The following GBE1 variants were observed in gnomAD, a reference collection of about 807,000 sequenced individuals.
GBE1 encodes 1,4-alpha-glucan branching enzyme 1.
A neutral mutation model predicts 88.8 loss-of-function variants in GBE1; 70 were observed. The observed-to-expected ratio is 0.79, with a 90% CI of 0.65 to 0.96. GBE1 has a LOEUF of 0.96. GBE1 is among the 40% of genes least tolerant of loss of function. The pLI is 0.00. For missense variants in GBE1, 872 were observed against 871.0 expected, an observed-to-expected ratio of 1.00 and a Z score of -0.01; for synonymous variants, 284 against 300.1, an observed-to-expected ratio of 0.95 and a Z score of 0.56.
At chr3:81,681,896 G>A (rs1705350266) in intron 2 of GBE1, among the ~76,000 whole-genome samples, 1 of 151,954 alleles carries the variant, frequency 6.6e-6, no homozygotes, top group South Asian at 2.1e-4. Context: ...CACACAAAAA[G>A]TACAAGTAGC....
Position 81,674,466 on chromosome 3 carries a change from A to C in GBE1, c.314-3513T>G, listed in dbSNP as rs568128717. 2.6e-5 allele frequency among the ~76,000 whole-genome samples: 4 copies of C among 152,072 alleles called. No individual in the cohort carries two copies. The East Asian group carries it at 7.7e-4, about 29-fold the overall frequency. ...GGTGTATCCAGGTGTAATTGCAGGA[A>C]CCAATCATGGAAGCACACAGTTAAA... On this transcript the variant is annotated intron_variant, in intron 2 of 15. Coordinates refer to ENST00000429644, the MANE Select transcript of GBE1 (RefSeq NM_000158.4).
chr3:81,580,865 C>A (rs896484900), intron 11 of GBE1, among the ~76,000 whole-genome samples: 1 of 152,000 alleles, frequency 6.6e-6, no homozygotes, highest in African/African-American at 2.4e-5. Flanking sequence ...TTCATTATGA[C>A]AAGGGAAAAC....
At chr3:81,540,329 C>T (rs1576139952) in intron 12 of GBE1, among the ~76,000 whole-genome samples, 1 of 151,978 alleles carries the variant, frequency 6.6e-6, no homozygotes. Flanking sequence ...CTGGAATCTA[C>T]AGTTTATCAA....
chr3:81,665,952 A>C (rs1047871728), intron 3 of GBE1, among the ~76,000 whole-genome samples: 1 of 152,226 alleles, frequency 6.6e-6, no homozygotes, highest in Non-Finnish European at 1.5e-5. Flanking sequence ...TGAGTGATCT[A>C]GAATGAGTAT....
rs115773927 is a variant in GBE1 at position 81,631,689 on chromosome 3, G to A, written c.992+11092C>T. 4.3e-3 allele frequency among the ~76,000 whole-genome samples: 646 copies of A among 150,086 alleles called. 8 individuals carry two copies. Among genetic ancestry groups the A allele is most frequent in the Middle Eastern group, 0.017 (5 of 292 alleles). On this transcript the variant is annotated intron_variant, in intron 7 of 15. Transcript: ENST00000429644. ...TTGAACCTGGGAGGCAGAAATTGTCGTAAGCCGAGATTGCACCACTGCACT... is the reference window on the plus strand; with the variant it reads ...TTGAACCTGGGAGGCAGAAATTGTCATAAGCCGAGATTGCACCACTGCACT...
In GBE1 at chr3:81,753,885, GA is replaced by G. The variant is rs777654577; in HGVS notation, c.143+7489del. On this transcript the variant is annotated intron_variant, in intron 1 of 15. Coordinates refer to ENST00000429644, the MANE Select transcript of GBE1 (RefSeq NM_000158.4). ...AGCCCACAACTTGGCCAGGCACTGA[GA>G]AAAAAGTACCCCATTCCACTGTGAT... Among the ~76,000 whole-genome samples, 14 of 152,214 alleles carry G rather than the reference GA, an allele frequency of 9.2e-5. No homozygotes were observed. The East Asian group carries it at 2.5e-3, about 27-fold the overall frequency.
intron 12 of GBE1, among the ~76,000 whole-genome samples, chr3:81,569,944 G>A (rs1306125531): frequency 1.3e-5 from 2 of 151,998 alleles, no homozygotes; most frequent in African/African-American, 4.8e-5. Context: ...CTCCCGAGTA[G>A]CTGGGATTAC....
chr3:81,712,364 A>G (rs1705880426), intron 1 of GBE1, among the ~76,000 whole-genome samples: 1 of 152,202 alleles, frequency 6.6e-6, no homozygotes, highest in South Asian at 2.1e-4. Context: ...TGTTTATTGC[A>G]GCACTATTCA....
At chr3:81,590,076 C>G (rs988603315) in intron 9 of GBE1, among the ~76,000 whole-genome samples, 3 of 151,884 alleles carry the variant, frequency 2.0e-5, no homozygotes, top group Admixed American at 2.0e-4. Context: ...AGTAAAATGC[C>G]TGAAGGGAAT....
At position 81,591,132 on chromosome 3, in the gene GBE1, A is replaced by C. The variant is rs982989468; in HGVS notation, c.1141T>G (p.Phe381Val). 8 of 1,606,650 alleles carry C rather than the reference A, an allele frequency of 5.0e-6. No homozygotes were observed. The highest frequency in any genetic ancestry group is 1.3e-5 in the African/African-American group (1 of 74,816). The change falls in exon 9 of 16, where the codon TTC becomes GTC. Residue 381 changes from phenylalanine to valine, a missense_variant. Phe to Val is a conservative substitution (Grantham distance 50, BLOSUM62 -1). Coordinates refer to ENST00000429644, the MANE Select transcript of GBE1 (RefSeq NM_000158.4). ...GCATCTTCATCTACTTGTAGTCCGA[A>C]ATATTCACTGTAATCACCTGAGAAA... Reference protein sequence around the residue: ...QGFSGDYSEYFGLQVDEDALT... With the variant: ...QGFSGDYSEYVGLQVDEDALT...
Position 81,723,262 on chromosome 3 carries a change from T to G in GBE1, c.144-17649A>C, listed in dbSNP as rs55866736. Among the ~76,000 whole-genome samples, 72 of 64,538 alleles carry G rather than the reference T, an allele frequency of 1.1e-3. 1 individual carries two copies. The highest frequency in any genetic ancestry group is 3.8e-3 in the African/African-American group (66 of 17,548). 42.3% of individuals were successfully genotyped at this position (64,538 alleles called of 152,430 possible). A position where few individuals can be genotyped will look rare whatever the true frequency, so the allele number is the denominator to read the frequency against. ...TTGGTATTAAATAAAAGTTGTTTTG[T>G]TTTTTTTTTTTTGTATTTTTAGTAG... On this transcript the variant is annotated intron_variant, in intron 1 of 15. Transcript: ENST00000429644.
At chr3:81,498,401 T>C (rs1702543874) in intron 15 of GBE1, among the ~76,000 whole-genome samples, 1 of 152,146 alleles carries the variant, frequency 6.6e-6, no homozygotes, top group South Asian at 2.1e-4. Context: ...GAATTAGGAA[T>C]GGTAGATGTG....
chr3:81,667,016 G>T (rs911977305), intron 3 of GBE1, among the ~76,000 whole-genome samples: 1 of 152,154 alleles, frequency 6.6e-6, no homozygotes, highest in Non-Finnish European at 1.5e-5. Context: ...ACTAAAATTT[G>T]TACCTTCTGA....
At chr3:81,712,963 TA>T (rs1705890767) in intron 1 of GBE1, among the ~76,000 whole-genome samples, 1 of 152,190 alleles carries the variant, frequency 6.6e-6, no homozygotes, top group African/African-American at 2.4e-5. Flanking sequence ...CTCGAGACTT[TA>T]AAGTGAGTAT....
intron 15 of GBE1, among the ~76,000 whole-genome samples, chr3:81,491,930 C>T (rs1702441451): frequency 6.6e-6 from 1 of 152,178 alleles, no homozygotes; most frequent in Non-Finnish European, 1.5e-5. Flanking sequence ...CATATTGATA[C>T]AGCTGGTTAG....
chr3:81,618,163 C>T (rs1704275770), intron 7 of GBE1, among the ~76,000 whole-genome samples: 3 of 151,984 alleles, frequency 2.0e-5, no homozygotes, highest in African/African-American at 7.2e-5. Flanking sequence ...GATAAGTCTG[C>T]TGGCAACAAA....
At chr3:81,562,696 C>T (rs565208349) in intron 12 of GBE1, among the ~76,000 whole-genome samples, 2 of 152,088 alleles carry the variant, frequency 1.3e-5, no homozygotes, top group African/African-American at 4.8e-5. Flanking sequence ...TAAGTTGAGG[C>T]AAGTCATCTA....
At chr3:81,742,522 G>A (rs1306012964) in intron 1 of GBE1, among the ~76,000 whole-genome samples, 3 of 152,122 alleles carry the variant, frequency 2.0e-5, no homozygotes. Context: ...TAATATCAAA[G>A]AAGGCATAGG....
intron 12 of GBE1, among the ~76,000 whole-genome samples, chr3:81,563,328 A>T (rs1373362468): frequency 1.3e-5 from 2 of 152,276 alleles, no homozygotes; most frequent in East Asian, 1.9e-4. Flanking sequence ...AAGGTGAGAG[A>T]TGATTTAAGA....
Sources: gnomAD v4.1 joint callset for allele counts (sites outside exome capture counted in the v4.1 genomes callset) on GRCh38, gnomAD v4.1.1 for gene constraint, MANE v1.5 for transcripts, NCBI Gene and HGNC (gene_info 2026-07-23, HGNC 2026-07-21) for gene names.